The following STX8 variants were observed in gnomAD, a reference collection of about 807,000 sequenced individuals.
STX8 encodes the protein syntaxin 8, also known as syntaxin-8.
STX8 carries 23 observed loss-of-function variants against 37.5 expected under a neutral mutation model. The ratio of observed to expected loss-of-function variants is 0.61; its 90% CI spans 0.44 to 0.87. The LOEUF (loss-of-function observed/expected upper bound fraction) is 0.87, where lower values mean the gene tolerates loss of function less well. Ranked by LOEUF, STX8 falls within the 40% of genes least tolerant of loss-of-function variation. The pLI is 0.00. For missense variants in STX8, 313 were observed against 284.7 expected, an observed-to-expected ratio of 1.10 and a Z score of -0.71; for synonymous variants, 115 against 99.1, an observed-to-expected ratio of 1.16 and a Z score of -0.95.
At chr17:9,546,604 T>TTTG (rs1421809967) in intron 3 of STX8, among the ~76,000 whole-genome samples, 1 of 135,570 alleles carries the variant, frequency 7.4e-6, no homozygotes, top group East Asian at 2.2e-4. Context: ...TTTTTTTTTT[T>TTTG]TTTTTTTTTT....
intron 2 of STX8, among the ~76,000 whole-genome samples, chr17:9,558,380 T>G (rs148902175): frequency 6.6e-6 from 1 of 152,168 alleles, no homozygotes; most frequent in African/African-American, 2.4e-5. Flanking sequence ...CCAGCCAGTG[T>G]GTCAGAGACT....
At chr17:9,372,142 T>C (rs1293586600) in intron 7 of STX8, among the ~76,000 whole-genome samples, 2 of 152,222 alleles carry the variant, frequency 1.3e-5, no homozygotes, top group Non-Finnish European at 2.9e-5. Flanking sequence ...CGGTCTACCC[T>C]GAGTATGTAT....
At chr17:9,335,997 T>C (rs533675268) in intron 7 of STX8, among the ~76,000 whole-genome samples, 1 of 152,350 alleles carries the variant, frequency 6.6e-6, no homozygotes, top group African/African-American at 2.4e-5. Flanking sequence ...AAGTTTTCTC[T>C]TTCTTAGCTT....
At chr17:9,340,987 T>G (rs1435901839) in intron 7 of STX8, among the ~76,000 whole-genome samples, 2 of 146,428 alleles carry the variant, frequency 1.4e-5, no homozygotes, top group Non-Finnish European at 3.0e-5. Flanking sequence ...AAATTTAAAT[T>G]ATAAATTATA....
At chr17:9,539,159 G>A (rs1906175016) in intron 4 of STX8, among the ~76,000 whole-genome samples, 1 of 152,164 alleles carries the variant, frequency 6.6e-6, no homozygotes, top group Non-Finnish European at 1.5e-5. Flanking sequence ...ATTCAATTAT[G>A]TGATTGCCAC....
intron 7 of STX8, among the ~76,000 whole-genome samples, chr17:9,317,771 GAAA>G (rs201309652): frequency 3.3e-5 from 3 of 91,962 alleles, no homozygotes; most frequent in Admixed American, 3.1e-4. Context: ...CTCAGAAAAA[GAAA>G]AAAAAAAAAA....
At chr17:9,557,877 G>T (rs1907043142) in intron 2 of STX8, among the ~76,000 whole-genome samples, 1 of 152,084 alleles carries the variant, frequency 6.6e-6, no homozygotes, top group Admixed American at 6.5e-5. Flanking sequence ...TTGGAACCAC[G>T]CAGGAAATTG....
intron 6 of STX8, among the ~76,000 whole-genome samples, chr17:9,419,005 C>G (rs1913325152): frequency 6.7e-6 from 1 of 149,732 alleles, no homozygotes; most frequent in South Asian, 2.1e-4. Context: ...TTCACTACAG[C>G]CTCAACCTCC....
intron 1 of STX8, among the ~76,000 whole-genome samples, chr17:9,574,622 C>A (rs1907821191): frequency 6.6e-6 from 1 of 151,938 alleles, no homozygotes; most frequent in Non-Finnish European, 1.5e-5. Flanking sequence ...ACAACCTACA[C>A]CTCCCGGGTT....
intron 7 of STX8, among the ~76,000 whole-genome samples, chr17:9,265,624 C>T (rs192235539): frequency 6.6e-5 from 10 of 152,342 alleles, no homozygotes; most frequent in East Asian, 1.9e-4. Flanking sequence ...TCACTCCTGA[C>T]GTGGTTGGGA....
intron 4 of STX8, among the ~76,000 whole-genome samples, chr17:9,532,319 C>T (rs1905854264): frequency 1.3e-5 from 2 of 152,188 alleles, no homozygotes; most frequent in Non-Finnish European, 2.9e-5. Context: ...AAGCCTTCTA[C>T]TTCGTCATCT....
chr17:9,333,721 CAGG>C (rs1484020470), intron 7 of STX8, among the ~76,000 whole-genome samples: 2 of 152,216 alleles, frequency 1.3e-5, no homozygotes, highest in East Asian at 3.9e-4. Flanking sequence ...TTGCTTCAAG[CAGG>C]AGGTCATGTA....
At chr17:9,387,778 T>C (rs762489256) in intron 6 of STX8, among the ~76,000 whole-genome samples, 51 of 152,330 alleles carry the variant, frequency 3.3e-4, no homozygotes, top group South Asian at 6.2e-4. Flanking sequence ...TCAGGGCTAA[T>C]AGCCTCTGTT....
chr17:9,397,788 AT>A (rs1158525140), intron 6 of STX8, among the ~76,000 whole-genome samples: 2 of 152,058 alleles, frequency 1.3e-5, no homozygotes, highest in African/African-American at 4.8e-5. Context: ...CCTGGTCAAC[AT>A]GGTGAAACCC....
chr17:9,445,476 A>G (rs1597676766), intron 6 of STX8, among the ~76,000 whole-genome samples: 2 of 22,666 alleles, frequency 8.8e-5, no homozygotes, highest in African/African-American at 3.5e-4. Flanking sequence ...TAGAATGCGA[A>G]GAGTGGTGGC....
chr17:9,500,457 A>C (rs1904570521), intron 5 of STX8, among the ~76,000 whole-genome samples: 1 of 152,090 alleles, frequency 6.6e-6, no homozygotes, highest in Admixed American at 6.6e-5. Flanking sequence ...GGAACCCAGC[A>C]TTTTCCTCGA....
At chr17:9,269,980 A>C (rs939721886) in intron 7 of STX8, among the ~76,000 whole-genome samples, 2 of 152,200 alleles carry the variant, frequency 1.3e-5, no homozygotes, top group Non-Finnish European at 2.9e-5. Context: ...TGCGGTACAG[A>C]AATTAACATG....
At chr17:9,525,316 C>T (rs575916451) in intron 4 of STX8, among the ~76,000 whole-genome samples, 1 of 152,084 alleles carries the variant, frequency 6.6e-6, no homozygotes, top group Non-Finnish European at 1.5e-5. Flanking sequence ...CAGCCTCCCC[C>T]CACTGCCCAC....
At chr17:9,414,625 C>A (rs1339929319) in intron 6 of STX8, among the ~76,000 whole-genome samples, 1 of 152,018 alleles carries the variant, frequency 6.6e-6, no homozygotes, top group African/African-American at 2.4e-5. Flanking sequence ...AAAGCTGACA[C>A]CCAGGTGTCA....
Sources: allele counts gnomAD v4.1 joint callset (sites outside exome capture counted in the v4.1 genomes callset), GRCh38; gene constraint gnomAD v4.1.1; transcripts MANE v1.5; gene names NCBI Gene and HGNC (gene_info 2026-07-23, HGNC 2026-07-21).